CELF5: variants seen among roughly 807,000 people sequenced by gnomAD.
CELF5 encodes the protein CUGBP Elav-like family member 5, also known as CUG-BP and ETR-3 like factor 5.
A neutral mutation model predicts 54.9 loss-of-function variants in CELF5; 6 were observed. The observed-to-expected ratio is 0.11, with a 90% CI of 0.06 to 0.22. CELF5 has a LOEUF of 0.22. Among genes scored for constraint, CELF5 ranks in the 10% least tolerant of loss-of-function variants. CELF5 has a pLI of 1.00. For synonymous variants in CELF5, 271 were observed against 290.9 expected, an observed-to-expected ratio of 0.93 and a Z score of 0.70; for missense variants, 401 against 678.6, an observed-to-expected ratio of 0.59 and a Z score of 4.54.
intron 12 of CELF5, chr19:3,296,434 G>GAAAAAAAAAAAAAAAAAAAAAAA (rs5826810): frequency 3.2e-3 from 177 of 54,860 alleles, no homozygotes; most frequent in African/African-American, 4.7e-3. Context: ...AAACCACACA[G>GAAAAAAAAAAAAAAAAAAAAAAA]AAAAAAAAAA....
At chr19:3,266,903 C>T (rs1368334709) in intron 2 of CELF5, among the ~76,000 whole-genome samples, 14 of 152,142 alleles carry the variant, frequency 9.2e-5, no homozygotes, top group African/African-American at 3.1e-4. Flanking sequence ...AGCTGAAGCA[C>T]GAGGTTCGCC....
rs2080024561 is a variant in CELF5 at position 3,275,010 on chromosome 19, C to G, written c.395-846C>G. Among the ~76,000 whole-genome samples the G allele has an allele frequency of 6.6e-6, 1 of 152,078 alleles. No individual in the cohort carries two copies. The highest frequency in any genetic ancestry group is 1.5e-5 in the Non-Finnish European group (1 of 68,012). On this transcript the variant is annotated intron_variant, in intron 3 of 12. Transcript: ENST00000292672. The surrounding 1 kb of genome is among the most constrained non-coding windows in gnomAD (Gnocchi z 6.7). ...TCACAGTCTCTTTCGCGCGCACTCTCTCTCTGATCTGTCTCTCTCTCTCCC... is the reference window on the plus strand; with the variant it reads ...TCACAGTCTCTTTCGCGCGCACTCTGTCTCTGATCTGTCTCTCTCTCTCCC...
rs1273273181 is a variant in CELF5 at position 3,235,646 on chromosome 19, G to GTGGA, written c.259+10679_259+10682dup. Among the ~76,000 whole-genome samples, 330 of 44,642 alleles carry GTGGA rather than the reference G, an allele frequency of 7.4e-3. 7 individuals are homozygous for GTGGA. Among genetic ancestry groups the GTGGA allele is most frequent in the South Asian group, 0.012 (16 of 1,376 alleles). 29.3% of individuals were successfully genotyped at this position (44,642 alleles called of 152,430 possible). ...GGTGGGTGGGTGGATGGGTGGATGA[G>GTGGA]TGGATGGATGGATGGATGGATGGAT... On this transcript the variant is annotated intron_variant, in intron 1 of 12. Transcript: ENST00000292672.
At chr19:3,291,113 A>T (rs182187313) in intron 11 of CELF5, among the ~76,000 whole-genome samples, 199 of 151,756 alleles carry the variant, frequency 1.3e-3, no homozygotes, top group African/African-American at 3.8e-3. Context: ...ATACAAAAAA[A>T]AAATTAGCCA....
intron 1 of CELF5, among the ~76,000 whole-genome samples, chr19:3,242,399 A>G (rs1050918080): frequency 3.3e-5 from 5 of 151,916 alleles, no homozygotes; most frequent in African/African-American, 2.4e-5. Flanking sequence ...GGCTGGGTGC[A>G]GTGACTCATG....
At chr19:3,235,818 GTGGA>G (rs1282249934) in intron 1 of CELF5, among the ~76,000 whole-genome samples, 3 of 146,458 alleles carry the variant, frequency 2.0e-5, no homozygotes, top group Non-Finnish European at 3.0e-5. Context: ...GGATGGATGT[GTGGA>G]TGGATGGATG....
At chr19:3,225,488 C>A in intron 1 of CELF5, 4 of 123,594 alleles carry the variant, frequency 3.2e-5, no homozygotes, top group Non-Finnish European at 5.5e-5. Context: ...CCCATTCATT[C>A]AGCCTCCCCA....
intron 2 of CELF5, among the ~76,000 whole-genome samples, chr19:3,261,954 T>G (rs2079812154): frequency 6.6e-6 from 1 of 152,194 alleles, no homozygotes; most frequent in African/African-American, 2.4e-5. Flanking sequence ...TGCAGTGTGC[T>G]GATCACTAGC....
At position 3,228,890 on chromosome 19, in the gene CELF5, G is replaced by GTGTGTT. The variant is rs1040205768; in HGVS notation, c.259+3897_259+3898insTTGTGT. On this transcript the variant is annotated intron_variant, in intron 1 of 12. Coordinates refer to ENST00000292672, the MANE Select transcript of CELF5 (RefSeq NM_021938.4). The surrounding 1 kb of genome is among the most constrained non-coding windows in gnomAD (Gnocchi z 6.0). ...GGTTGGCCGGCGTGTGTGTGTGTGT[G>GTGTGTT]TGTGTGTGTGTGTGTGTGTGTGTGT... Among the ~76,000 whole-genome samples the GTGTGTT allele has an allele frequency of 6.7e-6, 1 of 149,244 alleles. No individual in the cohort carries two copies. The highest frequency in any genetic ancestry group is 1.5e-5 in the Non-Finnish European group (1 of 66,960).
intron 1 of CELF5, among the ~76,000 whole-genome samples, chr19:3,245,338 G>A (rs571495785): frequency 1.9e-4 from 27 of 143,904 alleles, no homozygotes; most frequent in Admixed American, 5.6e-4. Flanking sequence ...GTGTGTGTGC[G>A]TGTGTTTGTG....
At chr19:3,264,610 G>T (rs900643928) in intron 2 of CELF5, among the ~76,000 whole-genome samples, 1 of 151,660 alleles carries the variant, frequency 6.6e-6, no homozygotes, top group Non-Finnish European at 1.5e-5. Context: ...TAGAGATGGG[G>T]TTTCACCATG....
Position 3,273,193 on chromosome 19 carries a change from G to A in CELF5, c.343-679G>A, listed in dbSNP as rs77541351. Among the ~76,000 whole-genome samples the A allele has an allele frequency of 3.4e-3, 524 of 152,234 alleles. 4 individuals carry two copies. Among genetic ancestry groups the A allele is most frequent in the African/African-American group, 0.012 (509 of 41,540 alleles). Reference sequence around the variant, plus strand: ...AGTCATTGTATTTGTTCTCGATTCTGCAAAGCTTGGTCTGGGCTCAGCTGG... The same window carrying A: ...AGTCATTGTATTTGTTCTCGATTCTACAAAGCTTGGTCTGGGCTCAGCTGG... On this transcript the variant is annotated intron_variant, in intron 2 of 12. Transcript: ENST00000292672.
intron 11 of CELF5, 35 bp downstream of exon 11, chr19:3,290,409 C>T: frequency 1.2e-6 from 2 of 1,609,214 alleles, no homozygotes; most frequent in Non-Finnish European, 1.7e-6. Context: ...TCCCCATCCA[C>T]CTCCCTCGCC....
At chr19:3,249,545 C>T (rs752669869) in intron 1 of CELF5, among the ~76,000 whole-genome samples, 2 of 151,924 alleles carry the variant, frequency 1.3e-5, no homozygotes, top group Non-Finnish European at 2.9e-5. Context: ...CAGCCTCACT[C>T]TGGGCCACTC....
At chr19:3,261,871 T>C (rs952311818) in intron 2 of CELF5, among the ~76,000 whole-genome samples, 1 of 152,094 alleles carries the variant, frequency 6.6e-6, no homozygotes, top group Non-Finnish European at 1.5e-5. Flanking sequence ...GACTGAAGTT[T>C]GCTGAAGCCT....
intron 1 of CELF5, among the ~76,000 whole-genome samples, chr19:3,230,814 G>A (rs930014133): frequency 9.9e-5 from 15 of 152,174 alleles, no homozygotes; most frequent in Admixed American, 2.6e-4. Flanking sequence ...CACAGTGTGG[G>A]AAGAGAGAAA....
At chr19:3,262,827 T>G (rs2079823752) in intron 2 of CELF5, among the ~76,000 whole-genome samples, 1 of 151,728 alleles carries the variant, frequency 6.6e-6, no homozygotes, top group Admixed American at 6.6e-5. Context: ...TCATCCCAGC[T>G]ACTTGGGAGG....
At position 3,278,060 on chromosome 19, in the gene CELF5, A is replaced by G; in HGVS notation, c.553A>G (p.Thr185Ala). The change falls in exon 5 of 13, where the codon ACG becomes GCG. Residue 185 changes from threonine (T) to alanine (A), a missense_variant. By Grantham distance (58) the Thr-to-Ala change is moderately conservative. Transcript: ENST00000292672. This position sits in a 1 kb window ranked among gnomAD's most constrained non-coding sequence, Gnocchi z 4.5. ...TGCTTTCGTGAAGTTCTCCTCCCAC[A>G]CGGAGGCGCAGGCGGCCATCCACGC... ...GCAFVKFSSHTEAQAAIHALH... is the reference protein window; with the variant it reads ...GCAFVKFSSHAEAQAAIHALH... 6.2e-7 allele frequency: 1 copy of G among 1,611,492 alleles called. No homozygotes were observed.
chr19:3,249,558 T>G (rs995607261), intron 1 of CELF5, among the ~76,000 whole-genome samples: 1 of 148,126 alleles, frequency 6.8e-6, no homozygotes, highest in African/African-American at 2.5e-5. Context: ...GGCCACTCTA[T>G]GGGCTGGCCC....
Sources: allele counts gnomAD v4.1 joint callset (sites outside exome capture counted in the v4.1 genomes callset), GRCh38; gene constraint gnomAD v4.1.1; non-coding constraint Gnocchi (gnomAD v3.1); transcripts MANE v1.5; gene names NCBI Gene and HGNC (gene_info 2026-07-23, HGNC 2026-07-21).